TBCD: variants seen among roughly 807,000 people sequenced by gnomAD.
TBCD encodes the protein tubulin-specific chaperone D.
TBCD carries 105 observed loss-of-function variants against 169.3 expected under a neutral mutation model. The observed-to-expected ratio is 0.62, with a 90% CI of 0.53 to 0.73. The LOEUF is 0.73. Among genes scored for constraint, TBCD ranks in the 30% least tolerant of loss-of-function variants. The pLI, the probability that TBCD is intolerant of heterozygous loss-of-function variation, is 0.00. For synonymous variants in TBCD, 700 were observed against 643.9 expected, an observed-to-expected ratio of 1.09 and a Z score of -1.32; for missense variants, 1,444 against 1,600.1, an observed-to-expected ratio of 0.90 and a Z score of 1.66.
rs201850842 is a variant in TBCD at position 82,929,482 on chromosome 17, C to T, written c.2973C>T (p.Gly991=). 84 of 1,608,080 alleles carry T rather than the reference C, an allele frequency of 5.2e-5. No homozygotes were observed. Among genetic ancestry groups the T allele is most frequent in the Admixed American group, 1.8e-4 (11 of 60,024 alleles). Reference sequence around the variant, plus strand: ...TGCTGGGGCTAGTCGTGTCCCTGGGCGGCTTGACGGAGTCGACGGTGAGGA... The same window carrying T: ...TGCTGGGGCTAGTCGTGTCCCTGGGTGGCTTGACGGAGTCGACGGTGAGGA... ...HVLLGLVVSL[G]GLTESTIRHS... The change falls in exon 32 of 39, where the codon GGC becomes GGT. Residue 991 remains glycine (G), a synonymous_variant. Transcript: ENST00000355528.
intron 34 of TBCD, among the ~76,000 whole-genome samples, chr17:82,935,758 C>T (rs1599699597): frequency 6.6e-6 from 1 of 152,184 alleles, no homozygotes; most frequent in Non-Finnish European, 1.5e-5. Flanking sequence ...CTTTCCTGTT[C>T]ATTGTGGTAT....
chr17:82,810,111 C>A (rs1033450345), intron 12 of TBCD, among the ~76,000 whole-genome samples: 1 of 152,122 alleles, frequency 6.6e-6, no homozygotes, highest in African/African-American at 2.4e-5. Context: ...GTCTACCCCT[C>A]GCCTACCCAT....
At chr17:82,899,156 C>T (rs1345495859) in intron 17 of TBCD, among the ~76,000 whole-genome samples, 2 of 109,270 alleles carry the variant, frequency 1.8e-5, no homozygotes, top group African/African-American at 2.9e-5. Context: ...GTGTCCTCAG[C>T]GTGTCCGCAG....
chr17:82,757,150 G>C lies in TBCD; in HGVS notation c.235+935G>C, dbSNP rs111759246. ...GAGCACCCTGGGTGGGGGCACCCTG[G>C]CTTCATAGCCCAGTTTCACCATTCA... On this transcript the variant is annotated intron_variant, in intron 2 of 38. Transcript: ENST00000355528. Among the ~76,000 whole-genome samples, 134 of 152,318 alleles carry C rather than the reference G, an allele frequency of 8.8e-4. 2 individuals are homozygous for C. The Middle Eastern group carries it at 0.01, about 12-fold the overall frequency.
chr17:82,855,235 CTTTTTTTTTTTTTTTTTTTT>C lies in TBCD; in HGVS notation c.1319-14972_1319-14953del, dbSNP rs58346723. Reference sequence around the variant, plus strand: ...CCAGAGGGGCAGGGAAAGGTGTTTGCTTTTTTTTTTTTTTTTTTTTTTTTTTTTTTTTTTTTAATTTTTTA... The same window carrying C: ...CCAGAGGGGCAGGGAAAGGTGTTTGCTTTTTTTTTTTTTTTTAATTTTTTA... On this transcript the variant is annotated intron_variant, in intron 13 of 38. Transcript: ENST00000355528. 7.8e-4 allele frequency among the ~76,000 whole-genome samples: 42 copies of C among 54,034 alleles called. 1 individual carries two copies. Among genetic ancestry groups the C allele is most frequent in the South Asian group, 3.4e-3 (4 of 1,172 alleles). The allele number at this position is 54,034 out of a possible 152,430, so 35.4% of individuals were successfully genotyped here.
chr17:82,804,714 T>C (rs985133864), intron 9 of TBCD, among the ~76,000 whole-genome samples: 1 of 152,344 alleles, frequency 6.6e-6, no homozygotes, highest in African/African-American at 2.4e-5. Flanking sequence ...CACGGCTGTT[T>C]GGAAGGTGGC....
At position 82,831,356 on chromosome 17, in the gene TBCD, G is replaced by T. The variant is rs530074419; in HGVS notation, c.1318+16422G>T. On this transcript the variant is annotated intron_variant, in intron 13 of 38. Transcript: ENST00000355528. This position sits in a 1 kb window ranked among gnomAD's most constrained non-coding sequence, Gnocchi z 4.6. Reference sequence around the variant, plus strand: ...ACGTGTTTTCTGTTGGGGTCCGAAGGGTTTAACCTGGAAGGACTCGAGGCT... The same window carrying T: ...ACGTGTTTTCTGTTGGGGTCCGAAGTGTTTAACCTGGAAGGACTCGAGGCT... 10 of 1,614,004 alleles carry T rather than the reference G, an allele frequency of 6.2e-6. No homozygotes were observed. The highest frequency in any genetic ancestry group is 8.5e-6 in the Non-Finnish European group (10 of 1,180,036).
At chr17:82,752,457 CG>C in intron 1 of TBCD, 80 bp downstream of exon 1, 1 of 1,096,726 alleles carries the variant, frequency 9.1e-7, no homozygotes, top group Non-Finnish European at 1.1e-6. Context: ...GGGCGGGGAC[CG>C]CAGCCCGGCG....
chr17:82,815,123 G>A (rs188524526), intron 13 of TBCD, among the ~76,000 whole-genome samples, 189 bp downstream of exon 13: 2 of 152,358 alleles, frequency 1.3e-5, no homozygotes, highest in South Asian at 2.1e-4. Context: ...CCTGCCGCGG[G>A]CACGCCCAGA....
At chr17:82,852,566 G>A (rs1326585014) in intron 13 of TBCD, among the ~76,000 whole-genome samples, 2 of 152,116 alleles carry the variant, frequency 1.3e-5, no homozygotes, top group Admixed American at 1.3e-4. Context: ...TGGTGTCCTT[G>A]TTTCCTCTTC....
intron 6 of TBCD, among the ~76,000 whole-genome samples, chr17:82,773,533 T>C (rs1241427233): frequency 6.6e-6 from 1 of 152,004 alleles, no homozygotes; most frequent in Non-Finnish European, 1.5e-5. Context: ...CCCATGGGGG[T>C]GTGATGGCCC....
At chr17:82,807,710 G>A (rs946423470) in intron 11 of TBCD, 42 bp downstream of exon 11, 7 of 1,399,144 alleles carry the variant, frequency 5.0e-6, no homozygotes, top group South Asian at 3.3e-5. Flanking sequence ...GGGGTGGGCC[G>A]GCCTCTCCTG....
rs141011361 is a variant in TBCD at position 82,803,072 on chromosome 17, T to G, written c.950+2076T>G. ...CATTTTTATCTCCTCGGTTGGATTT[T>G]CGTTGTCTCTGTTAGTACCGTTCTC... On this transcript the variant is annotated intron_variant, in intron 9 of 38. Coordinates refer to ENST00000355528, the MANE Select transcript of TBCD (RefSeq NM_005993.5). Among the ~76,000 whole-genome samples, 18 of 152,360 alleles carry G rather than the reference T, an allele frequency of 1.2e-4. No individual in the cohort carries two copies. The East Asian group carries it at 3.5e-3, about 29-fold the overall frequency.
intron 6 of TBCD, among the ~76,000 whole-genome samples, chr17:82,780,235 C>A (rs2048855095): frequency 6.6e-6 from 1 of 152,218 alleles, no homozygotes; most frequent in South Asian, 2.1e-4. Flanking sequence ...TGCAGCCCCC[C>A]TCGTTGAGCT....
intron 13 of TBCD, chr17:82,830,498 C>A (rs762687130): frequency 6.2e-7 from 1 of 1,613,632 alleles, no homozygotes; most frequent in Non-Finnish European, 8.5e-7. Context: ...GCCCCGTCAC[C>A]GTCGAGGCTG....
chr17:82,912,523 C>T (rs2060718186), intron 23 of TBCD, among the ~76,000 whole-genome samples: 1 of 151,536 alleles, frequency 6.6e-6, no homozygotes, highest in African/African-American at 2.4e-5. Flanking sequence ...TGGGGCCCTG[C>T]TGTTGTGGAC....
At chr17:82,844,012 C>G (rs1292749054) in intron 13 of TBCD, among the ~76,000 whole-genome samples, 1 of 152,022 alleles carries the variant, frequency 6.6e-6, no homozygotes, top group African/African-American at 2.4e-5. Flanking sequence ...TCTTAGTTTT[C>G]TTAACTTTAT....
At chr17:82,893,095 C>T (rs11868646) in intron 16 of TBCD, 4,222 of 164,736 alleles carry the variant, frequency 0.026, 203 homozygotes, top group African/African-American at 0.095. Context: ...GTAGACCGTG[C>T]AGGCGGCTGC....
At chr17:82,802,687 G>A (rs547287557) in intron 9 of TBCD, among the ~76,000 whole-genome samples, 2 of 152,354 alleles carry the variant, frequency 1.3e-5, no homozygotes, top group East Asian at 3.9e-4. Context: ...GAGGGCCGGC[G>A]TTTTGTTCTG....
Sources: gnomAD v4.1 joint callset for allele counts (sites outside exome capture counted in the v4.1 genomes callset) on GRCh38, gnomAD v4.1.1 for gene constraint, Gnocchi (gnomAD v3.1) non-coding constraint, MANE v1.5 for transcripts, NCBI Gene and HGNC (gene_info 2026-07-23, HGNC 2026-07-21) for gene names.